IMMP2L: variants seen among roughly 807,000 people sequenced by gnomAD.
The protein encoded by IMMP2L is inner mitochondrial membrane peptidase subunit 2, also known as mitochondrial inner membrane protease subunit 2.
In IMMP2L, 18 loss-of-function variants were observed where a neutral mutation model predicts 19.3. The ratio of observed to expected loss-of-function variants is 0.93; its 90% CI spans 0.64 to 1.38. The LOEUF is 1.38. Among genes scored for constraint, IMMP2L ranks in the 40% most tolerant of loss-of-function variants. IMMP2L has a pLI of 0.00. For synonymous variants in IMMP2L, 76 were observed against 73.0 expected (o/e 1.04, Z -0.21); for missense variants, 233 against 218.2 (o/e 1.07, Z -0.43).
At chr7:111,366,106 G>C (rs553031076) in intron 3 of IMMP2L, among the ~76,000 whole-genome samples, 1 of 151,942 alleles carries the variant, frequency 6.6e-6, no homozygotes, top group Non-Finnish European at 1.5e-5. Flanking sequence ...TTACATGCAC[G>C]GTCTCTGAGT....
At chr7:111,544,245 C>A (rs1848722262) in intron 1 of IMMP2L, among the ~76,000 whole-genome samples, 2 of 134,886 alleles carry the variant, frequency 1.5e-5, no homozygotes, top group South Asian at 5.5e-4. Context: ...CGGGGCCTGT[C>A]GTGGGGTGGG....
chr7:111,157,501 A>T (rs1207496899), intron 3 of IMMP2L, among the ~76,000 whole-genome samples: 1 of 152,142 alleles, frequency 6.6e-6, no homozygotes, highest in Admixed American at 6.6e-5. Context: ...ACATGTTCTT[A>T]CTTATTTGTG....
rs1439322704 is a variant in IMMP2L, at chr7:111,562,455, CCTCCGCACCCGCT to C, written c.-620_-608del. On this transcript the variant is annotated 5_prime_UTR_variant, in exon 1 of 6. Coordinates refer to ENST00000405709, the MANE Select transcript of IMMP2L (RefSeq NM_032549.4). ...CCGCCGCCGGACGCCGGGCGCCCGC[CCTCCGCACCCGCT>C]GCGCAGCTCAGCCCGGGGGAAGTCC... is the stretch of plus-strand genomic sequence containing the variant. 6.6e-6 allele frequency: 1 copy of C among 151,632 alleles called. No homozygotes were observed. The highest frequency in any genetic ancestry group is 1.5e-5 in the Non-Finnish European group (1 of 67,982). The allele number at this position is 151,632 out of a possible 1,614,324, so 9.4% of individuals were successfully genotyped here.
At position 111,054,615 on chromosome 7, in the gene IMMP2L, G is replaced by C. The variant is rs552288690; in HGVS notation, c.240-91050C>G. Among the ~76,000 whole-genome samples, 8 of 152,280 alleles carry C rather than the reference G, an allele frequency of 5.3e-5. No individual in the cohort carries two copies. The South Asian group carries it at 1.7e-3, about 32-fold the overall frequency. ...CATGTTAATTACCACAGAAGAGAAGGCGTTTTCAAGTTGAACACAACGATC... is the reference window on the plus strand; with the variant it reads ...CATGTTAATTACCACAGAAGAGAAGCCGTTTTCAAGTTGAACACAACGATC... On this transcript the variant is annotated intron_variant, in intron 3 of 5. Coordinates refer to ENST00000405709, the MANE Select transcript of IMMP2L (RefSeq NM_032549.4).
intron 3 of IMMP2L, among the ~76,000 whole-genome samples, chr7:111,410,712 AAG>A (rs1319992535): frequency 2.6e-5 from 4 of 152,002 alleles, no homozygotes; most frequent in Non-Finnish European, 4.4e-5. Flanking sequence ...CGAGAAGACA[AAG>A]AGAACATATT....
intron 3 of IMMP2L, among the ~76,000 whole-genome samples, chr7:111,242,365 G>A (rs777490148): frequency 3.3e-5 from 5 of 151,990 alleles, no homozygotes; most frequent in African/African-American, 4.8e-5. Context: ...ATTTGTTTGT[G>A]GAATTGCAGT....
Position 111,417,003 on chromosome 7 carries a change from A to T in IMMP2L, c.239+70235T>A, listed in dbSNP as rs114881320. On this transcript the variant is annotated intron_variant, in intron 3 of 5. Transcript: ENST00000405709. ...ATTTAAACTGAAAATAATTTAAAGT[A>T]CATAAAATTAAAGATTCACTTTCTT... Among the ~76,000 whole-genome samples, 532 of 151,970 alleles carry T rather than the reference A, an allele frequency of 3.5e-3. 18 individuals carry two copies. Among genetic ancestry groups the T allele is most frequent in the African/African-American group, 0.012 (514 of 41,262 alleles).
chr7:111,161,752 G>A (rs532589814), intron 3 of IMMP2L, among the ~76,000 whole-genome samples: 16 of 152,008 alleles, frequency 1.1e-4, no homozygotes, highest in African/African-American at 3.4e-4. Context: ...AAATAGTAGC[G>A]AACAGACTTC....
intron 3 of IMMP2L, among the ~76,000 whole-genome samples, chr7:111,121,529 G>C (rs1800614874): frequency 6.6e-6 from 1 of 152,160 alleles, no homozygotes; most frequent in Non-Finnish European, 1.5e-5. Flanking sequence ...ACCACAATGA[G>C]ATACCATCTC....
Position 111,478,559 on chromosome 7 carries a change from TTTTGTTTG to T in IMMP2L, c.239+8671_239+8678del, listed in dbSNP as rs3052922. ...ACAGGCATGCAACACCATGCCCAGCTTTTGTTTGTTTGTTTGTTTGTTTGTTTGTTTGT... is the reference window on the plus strand; with the variant it reads ...ACAGGCATGCAACACCATGCCCAGCTTTTGTTTGTTTGTTTGTTTGTTTGT... On this transcript the variant is annotated intron_variant, in intron 3 of 5. Coordinates refer to ENST00000405709, the MANE Select transcript of IMMP2L (RefSeq NM_032549.4). Among the ~76,000 whole-genome samples the T allele has an allele frequency of 7.2e-3, 1,077 of 148,852 alleles. 19 individuals are homozygous for T. Among genetic ancestry groups the T allele is most frequent in the African/African-American group, 0.025 (994 of 40,336 alleles).
intron 3 of IMMP2L, among the ~76,000 whole-genome samples, chr7:111,145,636 T>C (rs1803386050): frequency 6.6e-6 from 1 of 152,080 alleles, no homozygotes; most frequent in Non-Finnish European, 1.5e-5. Flanking sequence ...TTAGGTGAAC[T>C]CTTCCCACTT....
At chr7:110,730,248 T>G (rs1796172981) in intron 5 of IMMP2L, among the ~76,000 whole-genome samples, 1 of 152,042 alleles carries the variant, frequency 6.6e-6, no homozygotes, top group South Asian at 2.1e-4. Flanking sequence ...TCAATCTGGG[T>G]GGGCACCAGC....
At chr7:110,929,407 T>C (rs556639328) in intron 4 of IMMP2L, among the ~76,000 whole-genome samples, 1 of 152,154 alleles carries the variant, frequency 6.6e-6, no homozygotes, top group Non-Finnish European at 1.5e-5. Context: ...CAATAGAAAC[T>C]CATTATCCTT....
At chr7:111,437,964 G>A (rs1473800058) in intron 3 of IMMP2L, among the ~76,000 whole-genome samples, 1 of 151,850 alleles carries the variant, frequency 6.6e-6, no homozygotes, top group Non-Finnish European at 1.5e-5. Flanking sequence ...TAGTGGTGAT[G>A]CAAACCCTCT....
intron 2 of IMMP2L, among the ~76,000 whole-genome samples, chr7:111,512,872 A>G (rs1845574534): frequency 1.3e-5 from 2 of 152,182 alleles, no homozygotes; most frequent in Admixed American, 6.5e-5. Context: ...TCTTCAATAA[A>G]TGGTGCTTGG....
At chr7:110,689,133 A>G (rs971245400) in intron 5 of IMMP2L, among the ~76,000 whole-genome samples, 2 of 152,136 alleles carry the variant, frequency 1.3e-5, no homozygotes, top group African/African-American at 4.8e-5. Context: ...GGAACTCCGC[A>G]TTCTGTGGTT....
chr7:111,221,011 C>T (rs1812455956), intron 3 of IMMP2L, among the ~76,000 whole-genome samples: 1 of 152,042 alleles, frequency 6.6e-6, no homozygotes, highest in African/African-American at 2.4e-5. Context: ...ACGCTAATCT[C>T]TTCGAGAAAC....
At chr7:110,700,642 A>G (rs909266207) in intron 5 of IMMP2L, among the ~76,000 whole-genome samples, 3 of 152,152 alleles carry the variant, frequency 2.0e-5, no homozygotes, top group Admixed American at 2.0e-4. Flanking sequence ...TCACCTTATC[A>G]GAAGCTCTCC....
At chr7:111,088,012 A>T (rs145958916) in intron 3 of IMMP2L, among the ~76,000 whole-genome samples, 2 of 152,324 alleles carry the variant, frequency 1.3e-5, no homozygotes, top group African/African-American at 4.8e-5. Flanking sequence ...CAGAGATGAT[A>T]CTTAACATGA....
Sources: gnomAD v4.1 joint callset for allele counts (sites outside exome capture counted in the v4.1 genomes callset) on GRCh38, gnomAD v4.1.1 for gene constraint, MANE v1.5 for transcripts, NCBI Gene and HGNC (gene_info 2026-07-23, HGNC 2026-07-21) for gene names.